EGFR: variants seen among roughly 807,000 people sequenced by gnomAD.
EGFR encodes avian erythroblastic leukemia viral (v-erb-b) oncogene homolog.
A neutral mutation model predicts 143.0 loss-of-function variants in EGFR; 58 were observed. The ratio of observed to expected loss-of-function variants is 0.41; its 90% CI spans 0.33 to 0.50. The LOEUF is 0.50. Ranked by LOEUF, EGFR falls within the 20% of genes least tolerant of loss-of-function variation. EGFR has a pLI of 0.39. For synonymous variants in EGFR, 613 were observed against 594.4 expected (o/e 1.03, Z -0.45); for missense variants, 1,307 against 1,579.0 (o/e 0.83, Z 2.92).
chr7:55,046,937 T>C (rs1788210637), intron 1 of EGFR, among the ~76,000 whole-genome samples: 1 of 152,156 alleles, frequency 6.6e-6, no homozygotes, highest in African/African-American at 2.4e-5. Flanking sequence ...TCTTGGTGTG[T>C]CCGGTGATAT....
At chr7:55,071,045 G>A (rs1425990923) in intron 1 of EGFR, among the ~76,000 whole-genome samples, 1 of 152,268 alleles carries the variant, frequency 6.6e-6, no homozygotes, top group Non-Finnish European at 1.5e-5. Context: ...GAGGAACAAC[G>A]TGGAGACAGC....
intron 1 of EGFR, among the ~76,000 whole-genome samples, chr7:55,089,939 CTTATTTATTTATTTAT>C (rs201718066): frequency 2.4e-4 from 35 of 145,190 alleles, no homozygotes; most frequent in Admixed American, 6.8e-4. Flanking sequence ...GGTGATGCTA[CTTATTTATTTATTTAT>C]TTATTTATTT....
At chr7:55,085,884 G>A (rs1260521505) in intron 1 of EGFR, among the ~76,000 whole-genome samples, 1 of 152,200 alleles carries the variant, frequency 6.6e-6, no homozygotes, top group Non-Finnish European at 1.5e-5. Context: ...ATTTGAGCTT[G>A]TGCAGATGTG....
At chr7:55,127,877 C>T (rs1331458577) in intron 1 of EGFR, among the ~76,000 whole-genome samples, 6 of 152,196 alleles carry the variant, frequency 3.9e-5, no homozygotes, top group South Asian at 2.1e-4. Context: ...CACCAGGCCC[C>T]GCTCTCAGCC....
chr7:55,159,988 A>C lies in EGFR; in HGVS notation c.1299-151A>C, dbSNP rs918322832. On this transcript the variant is annotated intron_variant, in intron 11 of 27. Coordinates refer to ENST00000275493, the MANE Select transcript of EGFR (RefSeq NM_005228.5). ...AACTTTAAAAACACCTGCAGTTTTC[A>C]AAAGGTGCAGTGTGTGCCTCCCACA... 4 of 770,606 alleles carry C rather than the reference A, an allele frequency of 5.2e-6. No homozygotes were observed. In the African/African-American group the frequency reaches 7.0e-5, roughly 14 times the overall value. The allele number at this position is 770,606 out of a possible 1,614,324, so 47.7% of individuals were successfully genotyped here. A position where few individuals can be genotyped will look rare whatever the true frequency, so the allele number is the denominator to read the frequency against.
intron 1 of EGFR, among the ~76,000 whole-genome samples, chr7:55,038,183 A>C (rs1787706647): frequency 6.6e-6 from 1 of 152,098 alleles, no homozygotes; most frequent in Admixed American, 6.5e-5. Flanking sequence ...TGGAGGTGAA[A>C]CCCTGGAAAT....
rs1788106405 is a variant in EGFR at position 55,206,355 on chromosome 7, T to G, written c.*738T>G. 5 of 233,388 alleles carry G rather than the reference T, an allele frequency of 2.1e-5. No individual in the cohort carries two copies. The highest frequency in any genetic ancestry group is 1.1e-4 in the African/African-American group (5 of 45,352). The allele number at this position is 233,388 out of a possible 1,614,324, so 14.5% of individuals were successfully genotyped here. On this transcript the variant is annotated 3_prime_UTR_variant, in exon 28 of 28. Transcript: ENST00000275493. ...AGTCATGAGCGTTAGACTGACTTGT[T>G]TGTCTTCCATTCCATTGTTTTGAAA... is the stretch of plus-strand genomic sequence containing the variant.
chr7:55,153,451 A>C (rs1159951725), intron 6 of EGFR, among the ~76,000 whole-genome samples: 1 of 152,220 alleles, frequency 6.6e-6, no homozygotes, highest in Non-Finnish European at 1.5e-5. Flanking sequence ...CCTAAATTCC[A>C]GAGTTTGGAC....
chr7:55,133,862 C>T (rs555622543), intron 1 of EGFR, among the ~76,000 whole-genome samples: 30 of 152,314 alleles, frequency 2.0e-4, no homozygotes, highest in African/African-American at 6.3e-4. Context: ...CGGCCTGGCC[C>T]ACAGACTTTT....
At position 55,163,791 on chromosome 7, in the gene EGFR, C is replaced by A. The variant is rs773651001; in HGVS notation, c.1690C>A (p.Pro564Thr). The change falls in exon 14 of 28, where the codon CCT becomes ACT. Residue 564 changes from proline to threonine, a missense_variant. Physicochemically the swap from Pro to Thr is conservative, Grantham distance 38 (BLOSUM62 -1). Around this residue, in one of 7 missense-constraint regions of EGFR, gnomAD observed 250 missense variants for 295.1 expected, o/e 0.85. Coordinates refer to ENST00000275493, the MANE Select transcript of EGFR (RefSeq NM_005228.5). ...CATACAGTGCCACCCAGAGTGCCTG[C>A]CTCAGGCCATGAACATCACCTGCAC... Reference protein sequence around the residue: ...ECIQCHPECLPQAMNITCTGR... With the variant: ...ECIQCHPECLTQAMNITCTGR... 3 of 1,614,230 alleles carry A rather than the reference C, an allele frequency of 1.9e-6. No individual in the cohort carries two copies. Among genetic ancestry groups the A allele is most frequent in the Non-Finnish European group, 1.7e-6 (2 of 1,180,038 alleles).
rs1269909703 is a variant in EGFR at position 55,173,248 on chromosome 7, G to C, written c.2061+124G>C. The C allele has an allele frequency of 5.0e-6, 7 of 1,386,874 alleles. No individual in the cohort carries two copies. The South Asian group carries it at 5.3e-5, about 11-fold the overall frequency. The allele number at this position is 1,386,874 out of a possible 1,614,324, so 85.9% of individuals were successfully genotyped here. A position where few individuals can be genotyped will look rare whatever the true frequency, so the allele number is the denominator to read the frequency against. ...ACATAATTGTATTATGATGCAGAAAGAATCTCTGAATGTGCAGTTATACCC... is the reference window on the plus strand; with the variant it reads ...ACATAATTGTATTATGATGCAGAAACAATCTCTGAATGTGCAGTTATACCC... On this transcript the variant is annotated intron_variant, in intron 17 of 27. Transcript: ENST00000275493.
At chr7:55,109,847 A>G in intron 1 of EGFR, 2 of 985,470 alleles carry the variant, frequency 2.0e-6, no homozygotes, top group African/African-American at 1.7e-5. Flanking sequence ...ACAGTTCTCC[A>G]CTGGACTTCA....
At chr7:55,160,635 C>T (rs1785650861) in intron 12 of EGFR, among the ~76,000 whole-genome samples, 1 of 152,242 alleles carries the variant, frequency 6.6e-6, no homozygotes, top group Non-Finnish European at 1.5e-5. Context: ...AGGTCACTCT[C>T]TGCTCATTTC....
chr7:55,126,293 A>G (rs1315185956), intron 1 of EGFR, among the ~76,000 whole-genome samples: 2 of 152,350 alleles, frequency 1.3e-5, no homozygotes, highest in Non-Finnish European at 2.9e-5. Context: ...GCTATGTCCC[A>G]GGACTGTTCG....
intron 15 of EGFR, chr7:55,170,533 T>A (rs77402685): frequency 6.2e-7 from 1 of 1,611,730 alleles, no homozygotes; most frequent in Non-Finnish European, 8.5e-7. Flanking sequence ...CACGGCCTCC[T>A]CCTGCCACTG....
chr7:55,128,658 A>G (rs1460290532), intron 1 of EGFR, among the ~76,000 whole-genome samples: 1 of 152,216 alleles, frequency 6.6e-6, no homozygotes, highest in African/African-American at 2.4e-5. Flanking sequence ...AGAAGACTCC[A>G]TGTTTTTGGA....
chr7:55,103,178 T>C (rs1249109383), intron 1 of EGFR, among the ~76,000 whole-genome samples: 5 of 152,204 alleles, frequency 3.3e-5, no homozygotes, highest in African/African-American at 1.2e-4. Flanking sequence ...CTCCCCTTCT[T>C]TGAGGCATCC....
intron 1 of EGFR, among the ~76,000 whole-genome samples, chr7:55,022,824 G>A (rs573116139): frequency 1.3e-4 from 20 of 152,210 alleles, no homozygotes; most frequent in Non-Finnish European, 2.4e-4. Context: ...TGAAGACACC[G>A]ATTGCCGAAA....
chr7:55,086,049 G>A (rs17289295), intron 1 of EGFR, among the ~76,000 whole-genome samples: 1,858 of 152,028 alleles, frequency 0.012, 19 homozygotes, highest in Middle Eastern at 0.034. Flanking sequence ...CCTTATGAGA[G>A]CCACTGTTTG....
Sources: gnomAD v4.1 joint callset for allele counts (sites outside exome capture counted in the v4.1 genomes callset) on GRCh38, gnomAD v4.1.1 for gene constraint, gnomAD v4.1.1 regional missense constraint, MANE v1.5 for transcripts, NCBI Gene and HGNC (gene_info 2026-07-23, HGNC 2026-07-21) for gene names.